Variants in MRPL37 observed in about 807,000 individuals in gnomAD.
The protein encoded by MRPL37 is large ribosomal subunit protein mL37.
Under a neutral mutation model 44.1 loss-of-function variants are expected in MRPL37, and 34 were observed. That is an observed-to-expected ratio of 0.77 (90% CI 0.59 to 1.03). The LOEUF is 1.03. Ranked by LOEUF, MRPL37 falls within the 50% of genes least tolerant of loss-of-function variation. The pLI is 0.00. For synonymous variants in MRPL37, 212 were observed against 219.5 expected, an observed-to-expected ratio of 0.97 and a Z score of 0.30; for missense variants, 532 against 543.7, an observed-to-expected ratio of 0.98 and a Z score of 0.21.
chr1:54,224,039 C>G (rs1003628505), downstream of MRPL37, among the ~76,000 whole-genome samples: 3 of 152,226 alleles, frequency 2.0e-5, no homozygotes, highest in Admixed American at 6.5e-5. Context: ...GGCTGGGCCC[C>G]GTGACCTGCC....
downstream of MRPL37, chr1:54,218,460 C>T: frequency 4.0e-6 from 5 of 1,255,716 alleles, no homozygotes; most frequent in Non-Finnish European, 4.3e-6. Flanking sequence ...CCTGCCCCAG[C>T]TGAAGCCCAG....
At position 54,212,450 on chromosome 1, in the gene MRPL37, G is replaced by A. The variant is rs549909358; in HGVS notation, c.833-51G>A. On this transcript the variant is annotated intron_variant, in intron 4 of 6. Coordinates refer to ENST00000360840, the MANE Select transcript of MRPL37 (RefSeq NM_016491.4). ...CGAGGTGACTTTCCTGAGGCTTTGTGGCAGGCTGATGAATCCTTTCCACCC... is the reference window on the plus strand; with the variant it reads ...CGAGGTGACTTTCCTGAGGCTTTGTAGCAGGCTGATGAATCCTTTCCACCC... 135 of 1,596,444 alleles carry A rather than the reference G, an allele frequency of 8.5e-5. 5 individuals are homozygous for A. The South Asian group carries it at 1.5e-3, about 17-fold the overall frequency.
chr1:54,205,024 A>G lies in MRPL37; in HGVS notation c.353A>G (p.Lys118Arg). 3.7e-6 allele frequency: 6 copies of G among 1,613,750 alleles called. No individual in the cohort carries two copies. The highest frequency in any genetic ancestry group is 5.1e-6 in the Non-Finnish European group (6 of 1,179,876). The stretch of plus-strand genomic sequence containing the variant: ...GTGGCTAATTACCTCAAAGGTGTAA[A>G]GCAGGCCCTCTGGCTCACCAAGACC... ...HHRCRLLEGV[K>R]QALWLTKTKL... is the part of the protein sequence containing the mutation. Residue 118 changes from lysine (K) to arginine (R), a missense_variant, in exon 2 of 7, where the codon AAG (lysine) becomes AGG (arginine). Coordinates refer to ENST00000360840, the MANE Select transcript of MRPL37 (RefSeq NM_016491.4).
chr1:54,203,902 G>C (rs1644103015), intron 1 of MRPL37, among the ~76,000 whole-genome samples: 1 of 152,136 alleles, frequency 6.6e-6, no homozygotes, highest in Non-Finnish European at 1.5e-5. Context: ...AGTTTTATTG[G>C]AACAAAACCA....
downstream of MRPL37, among the ~76,000 whole-genome samples, chr1:54,222,461 G>A (rs376832859): frequency 6.6e-6 from 1 of 152,138 alleles, no homozygotes; most frequent in Non-Finnish European, 1.5e-5. Flanking sequence ...CAGCTATCTG[G>A]AAGCTGTGAG....
intron 3 of MRPL37, among the ~76,000 whole-genome samples, chr1:54,205,775 C>T (rs926494322): frequency 1.3e-5 from 2 of 152,218 alleles, no homozygotes; most frequent in Non-Finnish European, 2.9e-5. Flanking sequence ...CTCACTTACA[C>T]CTCTCTCGTC....
At chr1:54,212,710 C>T in intron 5 of MRPL37, 52 bp downstream of exon 5, 1 of 1,607,492 alleles carries the variant, frequency 6.2e-7, no homozygotes, top group Non-Finnish European at 8.5e-7. Context: ...TTGGTCTCCT[C>T]CCTTAAGGTT....
At chr1:54,214,357 C>G (rs928776590) in intron 5 of MRPL37, among the ~76,000 whole-genome samples, 1 of 152,170 alleles carries the variant, frequency 6.6e-6, no homozygotes, top group African/African-American at 2.4e-5. Flanking sequence ...GGATACACAG[C>G]TAAGAAATTA....
Position 54,200,394 on chromosome 1 carries a change from G to A in MRPL37, c.151G>A (p.Glu51Lys). 6.2e-7 allele frequency: 1 copy of A among 1,614,182 alleles called. No homozygotes were observed. Among genetic ancestry groups the A allele is most frequent in the Non-Finnish European group, 8.5e-7 (1 of 1,180,040 alleles). ...SEPPPLDRVYEIPGLEPITFA... is the reference protein window; with the variant it reads ...SEPPPLDRVYKIPGLEPITFA... ...GCCTCCTCCCCTGGATAGGGTGTACGAGATCCCTGGACTGGAGCCCATCAC... is the reference window on the plus strand; with the variant it reads ...GCCTCCTCCCCTGGATAGGGTGTACAAGATCCCTGGACTGGAGCCCATCAC... Residue 51 changes from glutamate to lysine, a missense_variant, in exon 1 of 7, where the codon GAG becomes AAG. Glu to Lys is a moderately conservative substitution (Grantham distance 56). Coordinates refer to ENST00000360840, the MANE Select transcript of MRPL37 (RefSeq NM_016491.4).
In MRPL37 at chr1:54,205,130, C is replaced by G. The variant is rs370161335; in HGVS notation, c.459C>G (p.Cys153Trp). 2 of 1,614,110 alleles carry G rather than the reference C, an allele frequency of 1.2e-6. No individual in the cohort carries two copies. The highest frequency in any genetic ancestry group is 1.7e-6 in the Non-Finnish European group (2 of 1,180,018). ...ACCACATAGAGAACCAAGACGAGTG[C>G]GTTCTGAATGTGATCTCTCACGCCC... is the stretch of plus-strand genomic sequence containing the variant. Reference protein sequence around the residue: ...PRNHIENQDECVLNVISHARL... With the variant: ...PRNHIENQDEWVLNVISHARL... The change falls in exon 2 of 7, where the codon TGC becomes TGG. Residue 153 changes from cysteine to tryptophan, a missense_variant. Cys to Trp is a radical substitution (Grantham distance 215, BLOSUM62 -2). Transcript: ENST00000360840.
In MRPL37 at chr1:54,218,172, G is replaced by C; in HGVS notation, c.1195G>C (p.Glu399Gln). Residue 399 changes from glutamate to glutamine, a missense_variant and splice_region_variant, in exon 7 of 7, where the codon GAA (glutamate) becomes CAA (glutamine). Physicochemically the swap from Glu to Gln is conservative, Grantham distance 29. Transcript: ENST00000360840. ...TCCTAATGAACCGTGTTCTTTCCAG[G>C]AACCTGTTGGCCCAGTTGGTTTCAA... Reference protein sequence around the residue: ...LPVIKKRVVVEPVGPVGFKPE... With the variant: ...LPVIKKRVVVQPVGPVGFKPE... 2 of 1,613,986 alleles carry C rather than the reference G, an allele frequency of 1.2e-6. No homozygotes were observed. The highest frequency in any genetic ancestry group is 1.7e-6 in the Non-Finnish European group (2 of 1,179,834).
Position 54,212,629 on chromosome 1 carries a change from G to A in MRPL37, c.961G>A (p.Ala321Thr). ...GATGATCCTGTTTGCTTTTGGCAGT[G>A]CCCTGGCTCAGGCCCGGCTCCTCTA... ...AKMILFAFGS[A>T]LAQARLLYGN... is the part of the protein sequence containing the mutation. Residue 321 changes from alanine (A) to threonine (T), a missense_variant, in exon 5 of 7, where the codon GCC (alanine) becomes ACC (threonine). Physicochemically the swap from Ala to Thr is moderately conservative, Grantham distance 58 (BLOSUM62 0). Coordinates refer to ENST00000360840, the MANE Select transcript of MRPL37 (RefSeq NM_016491.4). 1.2e-6 allele frequency: 2 copies of A among 1,614,234 alleles called. No homozygotes were observed. Among genetic ancestry groups the A allele is most frequent in the Middle Eastern group, 1.6e-4 (1 of 6,062 alleles).
intron 6 of MRPL37, among the ~76,000 whole-genome samples, chr1:54,216,546 C>T (rs1644199267): frequency 6.6e-6 from 1 of 152,200 alleles, no homozygotes; most frequent in Admixed American, 6.5e-5. Flanking sequence ...GCTCCTGCTT[C>T]CCTTTGCACC....
chr1:54,205,536 G>A (rs751606720), intron 3 of MRPL37, 126 bp downstream of exon 3: 10 of 757,176 alleles, frequency 1.3e-5, no homozygotes, highest in East Asian at 7.9e-5. Flanking sequence ...TCGTGGTCTC[G>A]TTTTGTAGGC....
downstream of MRPL37, among the ~76,000 whole-genome samples, chr1:54,219,135 T>C (rs535059587): frequency 6.6e-6 from 1 of 152,336 alleles, no homozygotes; most frequent in African/African-American, 2.4e-5. Flanking sequence ...ACCCAGTTCA[T>C]GGGCACTCTG....
intron 3 of MRPL37, 57 bp from the exon 4 acceptor site, chr1:54,209,889 G>A (rs774938399): frequency 3.2e-6 from 5 of 1,557,892 alleles, no homozygotes; most frequent in Admixed American, 3.6e-5. Flanking sequence ...GAGCTACTGC[G>A]CCTAGCTGCG....
intron 1 of MRPL37, among the ~76,000 whole-genome samples, chr1:54,203,372 G>C (rs987827643): frequency 3.4e-5 from 5 of 149,058 alleles, no homozygotes; most frequent in Non-Finnish European, 7.4e-5. Context: ...AACACAACCA[G>C]ATTAAATTAA....
intron 5 of MRPL37, among the ~76,000 whole-genome samples, chr1:54,213,136 G>T (rs566395176): frequency 1.4e-3 from 219 of 152,342 alleles, no homozygotes; most frequent in African/African-American, 5.1e-3. Flanking sequence ...GGGTGCTGGG[G>T]ACCCAAGATA....
chr1:54,208,506 G>A lies in MRPL37; in HGVS notation c.647-1440G>A, dbSNP rs928281816. ...GGAGCTTGCAGTGAGCTGAGATTGC[G>A]CCACTGCACTCCAGCCTGGGCGACA... On this transcript the variant is annotated intron_variant, in intron 3 of 6. Coordinates refer to ENST00000360840, the MANE Select transcript of MRPL37 (RefSeq NM_016491.4). Among the ~76,000 whole-genome samples the A allele has an allele frequency of 3.1e-5, 4 of 127,562 alleles. No homozygotes were observed. In the South Asian group the frequency reaches 9.7e-4, roughly 31 times the overall value. 83.7% of individuals were successfully genotyped at this position (127,562 alleles called of 152,430 possible). A position where few individuals can be genotyped will look rare whatever the true frequency, so the allele number is the denominator to read the frequency against.
Sources: allele counts gnomAD v4.1 joint callset (sites outside exome capture counted in the v4.1 genomes callset), GRCh38; gene constraint gnomAD v4.1.1; transcripts MANE v1.5; gene names NCBI Gene and HGNC (gene_info 2026-07-23, HGNC 2026-07-21).